The following ELFN2 variants were observed in gnomAD, a reference collection of about 807,000 sequenced individuals.
ELFN2 encodes the protein protein phosphatase 1 regulatory subunit 29.
In ELFN2, 17 loss-of-function variants were observed where a neutral mutation model predicts 45.5. The ratio of observed to expected loss-of-function variants is 0.37; its 90% CI spans 0.26 to 0.56. The LOEUF is 0.56. Among genes scored for constraint, ELFN2 ranks in the 20% least tolerant of loss-of-function variants. The pLI is 0.77. For synonymous variants in ELFN2, 550 were observed against 551.5 expected (o/e 1.00, Z 0.04); for missense variants, 922 against 1,183.2 (o/e 0.78, Z 3.24).
In ELFN2 at chr22:37,349,311, A is replaced by G. The variant is rs1038529032; in HGVS notation, n.149-6608T>C. Reference sequence around the variant, plus strand: ...TGGCCCTGCCCTGGACTCTCCCCACAGGGGCAGGTAGAAGAGAGGCACCCG... The same window carrying G: ...TGGCCCTGCCCTGGACTCTCCCCACGGGGGCAGGTAGAAGAGAGGCACCCG... On this transcript the variant is annotated intron_variant and non_coding_transcript_variant, in intron 1 of 2. Transcript: ENST00000452946. Among the ~76,000 whole-genome samples, 2 of 151,122 alleles carry G rather than the reference A, an allele frequency of 1.3e-5. 1 individual carries two copies. Among genetic ancestry groups the G allele is most frequent in the Non-Finnish European group, 3.0e-5 (2 of 67,338 alleles).
At chr22:37,360,060 A>G (rs1344071631) in intron 1 of ELFN2, among the ~76,000 whole-genome samples, 3 of 152,204 alleles carry the variant, frequency 2.0e-5, no homozygotes, top group Admixed American at 1.3e-4. Context: ...GGTAAAACTC[A>G]TGGTGCTGGT....
intron 2 of ELFN2, among the ~76,000 whole-genome samples, chr22:37,393,591 C>A (rs954841244): frequency 1.3e-5 from 2 of 152,224 alleles, no homozygotes; most frequent in African/African-American, 4.8e-5. Flanking sequence ...ACGCCCCAGG[C>A]CTTGCGCTAA....
rs1198130487 is a variant in ELFN2, at chr22:37,370,689, C to CTG, written c.*2381_*2382dup. The CTG allele has an allele frequency of 6.6e-6, 1 of 152,386 alleles. No homozygotes were observed. Among genetic ancestry groups the CTG allele is most frequent in the Non-Finnish European group, 1.5e-5 (1 of 68,098 alleles). The allele number at this position is 152,386 out of a possible 1,614,324, so 9.4% of individuals were successfully genotyped here. ...CACAGGAGGTGGGTGTGGGGCAGGG[C>CTG]TGTGTCTTGGTGGCACCTGTTTTGG... On this transcript the variant is annotated 3_prime_UTR_variant, in exon 3 of 3. Coordinates refer to ENST00000402918, the MANE Select transcript of ELFN2 (RefSeq NM_052906.5).
At chr22:37,387,997 G>T (rs1931995489) in intron 2 of ELFN2, among the ~76,000 whole-genome samples, 1 of 151,204 alleles carries the variant, frequency 6.6e-6, no homozygotes, top group Admixed American at 6.6e-5. Flanking sequence ...CAGACACAGT[G>T]AGAGGCACCC....
At chr22:37,360,773 A>G (rs368352246) in intron 1 of ELFN2, among the ~76,000 whole-genome samples, 45 of 152,336 alleles carry the variant, frequency 3.0e-4, no homozygotes, top group African/African-American at 1.1e-3. Context: ...ATCAGACACA[A>G]AACAGGAGGC....
chr22:37,399,042 C>G (rs974970535), intron 2 of ELFN2, among the ~76,000 whole-genome samples: 1 of 152,142 alleles, frequency 6.6e-6, no homozygotes, highest in Non-Finnish European at 1.5e-5. Flanking sequence ...TTTCCTGGCC[C>G]GGAGGGAGCT....
chr22:37,347,935 G>A (rs947646599), intron 1 of ELFN2, among the ~76,000 whole-genome samples: 2 of 152,172 alleles, frequency 1.3e-5, no homozygotes, highest in African/African-American at 2.4e-5. Flanking sequence ...CACCTCCAGG[G>A]CTGGGGAGCT....
At chr22:37,425,870 T>TACACAC (rs133723) in intron 1 of ELFN2, among the ~76,000 whole-genome samples, 26,777 of 145,478 alleles carry the variant, frequency 0.18, 2,577 homozygotes, top group Admixed American at 0.29. Context: ...CACATACACA[T>TACACAC]ACACACACAC....
intron 2 of ELFN2, among the ~76,000 whole-genome samples, chr22:37,408,412 G>A (rs567879525): frequency 3.6e-4 from 55 of 152,352 alleles, no homozygotes; most frequent in African/African-American, 1.0e-3. Flanking sequence ...TGTGCTGAGC[G>A]CCTGAGCCTC....
chr22:37,405,977 A>G (rs566633754), intron 2 of ELFN2, among the ~76,000 whole-genome samples: 1 of 151,956 alleles, frequency 6.6e-6, no homozygotes, highest in African/African-American at 2.4e-5. Context: ...TCTCCACAAA[A>G]AAGTTTTTTA....
At chr22:37,363,309 C>T (rs1452014884), downstream of ELFN2, among the ~76,000 whole-genome samples, 1 of 152,000 alleles carries the variant, frequency 6.6e-6, no homozygotes, top group African/African-American at 2.4e-5. Context: ...TTGAGCCATA[C>T]AATTTGTTTG....
chr22:37,374,739 G>C lies in ELFN2; in HGVS notation c.796C>G (p.Gln266Glu), dbSNP rs747661444. Residue 266 changes from glutamine (Q) to glutamate (E), a missense_variant, in exon 3 of 3, where the codon CAG becomes GAG. Around this residue, in one of 2 missense-constraint regions of ELFN2, gnomAD observed 358 missense variants for 540.4 expected, o/e 0.66. Coordinates refer to ENST00000402918, the MANE Select transcript of ELFN2 (RefSeq NM_052906.5). Reference sequence around the variant, plus strand: ...CCCGAGTTCTCGTCTGGCTCCCTCTGGGCGTCGGTGGAGTAGGGCGTGGGG... The same window carrying C: ...CCCGAGTTCTCGTCTGGCTCCCTCTCGGCGTCGGTGGAGTAGGGCGTGGGG... ...SHPTPYSTDA[Q>E]REPDENSGFN... is the part of the protein sequence containing the mutation. 3.2e-5 allele frequency: 52 copies of C among 1,611,258 alleles called. No homozygotes were observed. Among genetic ancestry groups the C allele is most frequent in the Non-Finnish European group, 2.4e-5 (28 of 1,179,018 alleles).
intron 2 of ELFN2, among the ~76,000 whole-genome samples, chr22:37,390,020 C>T (rs960407558): frequency 6.6e-5 from 10 of 152,136 alleles, no homozygotes; most frequent in African/African-American, 2.4e-4. Context: ...GGGGAGGGGG[C>T]CTGGGAAGCT....
intron 2 of ELFN2, among the ~76,000 whole-genome samples, chr22:37,405,112 T>TTTTC (rs1335716866): frequency 1.4e-5 from 2 of 146,888 alleles, no homozygotes; most frequent in Non-Finnish European, 3.0e-5. Flanking sequence ...TTTTTTTTTT[T>TTTTC]GAGACGGAGT....
chr22:37,348,058 G>A (rs1930737229), intron 1 of ELFN2, among the ~76,000 whole-genome samples: 1 of 152,198 alleles, frequency 6.6e-6, no homozygotes, highest in Non-Finnish European at 1.5e-5. Flanking sequence ...CTCTGCCTTG[G>A]GGCTCTAAGC....
rs749622317 is a variant in ELFN2 at position 37,373,597 on chromosome 22, G to T, written c.1938C>A (p.Asp646Glu). ...SIKSAKVFSLDVPDHPAATGL... is the reference protein window; with the variant it reads ...SIKSAKVFSLEVPDHPAATGL... Reference sequence around the variant, plus strand: ...CTGTGGCGGCCGGATGGTCGGGCACGTCCAGGCTAAAGACCTTGGCGCTCT... The same window carrying T: ...CTGTGGCGGCCGGATGGTCGGGCACTTCCAGGCTAAAGACCTTGGCGCTCT... Residue 646 changes from aspartate to glutamate, a missense_variant, in exon 3 of 3, where the codon GAC becomes GAA. Physicochemically the swap from Asp to Glu is conservative, Grantham distance 45 (BLOSUM62 2). Around this residue, in one of 2 missense-constraint regions of ELFN2, gnomAD observed 564 missense variants for 642.8 expected, o/e 0.88. Coordinates refer to ENST00000402918, the MANE Select transcript of ELFN2 (RefSeq NM_052906.5). 2 of 1,608,020 alleles carry T rather than the reference G, an allele frequency of 1.2e-6. No homozygotes were observed. Among genetic ancestry groups the T allele is most frequent in the South Asian group, 1.1e-5 (1 of 90,442 alleles).
chr22:37,379,688 G>A (rs1198912564), intron 2 of ELFN2, among the ~76,000 whole-genome samples: 3 of 152,184 alleles, frequency 2.0e-5, no homozygotes, highest in African/African-American at 4.8e-5. Flanking sequence ...GAGTCAGTGA[G>A]ACCTCACAGC....
chr22:37,381,282 G>A lies in ELFN2; in HGVS notation c.-462-5286C>T, dbSNP rs939194064. Among the ~76,000 whole-genome samples, 4 of 151,108 alleles carry A rather than the reference G, an allele frequency of 2.6e-5. No homozygotes were observed. The East Asian group carries it at 5.9e-4, about 22-fold the overall frequency. On this transcript the variant is annotated intron_variant, in intron 2 of 2. Coordinates refer to ENST00000402918, the MANE Select transcript of ELFN2 (RefSeq NM_052906.5). ...AAAGGGCTGGGACCATGGCAGGGGCGGGACATGCACTGAGCCAGTCTACTG... is the reference window on the plus strand; with the variant it reads ...AAAGGGCTGGGACCATGGCAGGGGCAGGACATGCACTGAGCCAGTCTACTG...
At position 37,414,968 on chromosome 22, in the gene ELFN2, C is replaced by A. The variant is rs1932739705; in HGVS notation, c.-463+2801G>T. On this transcript the variant is annotated intron_variant, in intron 2 of 2. Transcript: ENST00000402918. ...TGCCAAGCCCTGTGCCTTACTTTGT[C>A]CCTTGGCCTTGCTCTGGCAAGGTGA... Among the ~76,000 whole-genome samples the A allele has an allele frequency of 2.0e-5, 3 of 152,334 alleles. No homozygotes were observed. The South Asian group carries it at 6.2e-4, about 32-fold the overall frequency.
Sources: allele counts gnomAD v4.1 joint callset (sites outside exome capture counted in the v4.1 genomes callset), GRCh38; gene constraint gnomAD v4.1.1; regional missense constraint gnomAD v4.1.1; transcripts MANE v1.5; gene names NCBI Gene and HGNC (gene_info 2026-07-23, HGNC 2026-07-21).